COL1A1: variants seen among roughly 807,000 people sequenced by gnomAD.
COL1A1 encodes the protein collagen alpha-1(I) chain.
COL1A1 carries 21 observed loss-of-function variants against 195.7 expected under a neutral mutation model. The ratio of observed to expected loss-of-function variants is 0.11; its 90% CI spans 0.08 to 0.15. The LOEUF (loss-of-function observed/expected upper bound fraction) is 0.15, where lower values mean the gene tolerates loss of function less well. Among genes scored for constraint, COL1A1 ranks in the 10% least tolerant of loss-of-function variants. The pLI, the probability that COL1A1 is intolerant of heterozygous loss-of-function variation, is 1.00. For missense variants in COL1A1, 1,365 were observed against 2,051.0 expected (o/e 0.67, Z 6.46); for synonymous variants, 749 against 747.3 (o/e 1.00, Z -0.04).
At position 50,191,825 on chromosome 17, in the gene COL1A1, C is replaced by T. The variant is rs202221716; in HGVS notation, c.2090G>A (p.Arg697Gln). The T allele has an allele frequency of 1.5e-5, 24 of 1,600,192 alleles. No individual in the cohort carries two copies. In the East Asian group the frequency reaches 3.1e-4, roughly 21 times the overall value. ...GTTGCCGGGAGCACCGTTGGCCCCTCGGGGACCAGCAGGACCAGGGGGACC... is the reference window on the plus strand; with the variant it reads ...GTTGCCGGGAGCACCGTTGGCCCCTTGGGGACCAGCAGGACCAGGGGGACC... Reference protein sequence around the residue: ...VQGPPGPAGPRGANGAPGNDG... With the variant: ...VQGPPGPAGPQGANGAPGNDG... The change falls in exon 31 of 51, where the codon CGA (arginine) becomes CAA (glutamine). Residue 697 changes from arginine (R) to glutamine (Q), a missense_variant. Arg to Gln is a conservative substitution (Grantham distance 43, BLOSUM62 1). Transcript: ENST00000225964.
In COL1A1 at chr17:50,192,662, G is replaced by A. The variant is rs1907197374; in HGVS notation, c.1907C>T (p.Pro636Leu). ...CACCTGGAATCCGGGGGAGCCAGCAGGGCCTTGTTCACCTCTCTCGCCAGC... is the reference window on the plus strand; with the variant it reads ...CACCTGGAATCCGGGGGAGCCAGCAAGGCCTTGTTCACCTCTCTCGCCAGC... The part of the protein sequence containing the change: ...GPAGERGEQG[P>L]AGSPGFQGLP... The change falls in exon 28 of 51, where the codon CCT (proline) becomes CTT (leucine). Residue 636 changes from proline (P) to leucine (L), a missense_variant. By Grantham distance (98) the Pro-to-Leu change is moderately conservative. Coordinates refer to ENST00000225964, the MANE Select transcript of COL1A1 (RefSeq NM_000088.4). The A allele has an allele frequency of 6.2e-7, 1 of 1,614,130 alleles. No individual in the cohort carries two copies. The highest frequency in any genetic ancestry group is 8.5e-7 in the Non-Finnish European group (1 of 1,180,056).
intron 2 of COL1A1, 57 bp downstream of exon 2, chr17:50,199,696 C>A: frequency 6.4e-7 from 1 of 1,562,992 alleles, no homozygotes; most frequent in Non-Finnish European, 8.6e-7. Flanking sequence ...ACCCCCAGCC[C>A]CAGCCCCAGG....
chr17:50,186,118 G>A lies in COL1A1; in HGVS notation c.4006-98C>T. 2.5e-6 allele frequency: 4 copies of A among 1,570,558 alleles called. No individual in the cohort carries two copies. The highest frequency in any genetic ancestry group is 2.3e-5 in the South Asian group (2 of 88,870). ...CAGGGTCCTCAGAGAGCTGCCCAAT[G>A]CACCGTTATATCGAGAGGAGGCACC... is the stretch of plus-strand genomic sequence containing the variant. On this transcript the variant is annotated intron_variant, in intron 49 of 50. Transcript: ENST00000225964. This position sits in a 1 kb window ranked among gnomAD's most constrained non-coding sequence, Gnocchi z 5.3.
In COL1A1 at chr17:50,200,276, G is replaced by A. The variant is rs1005117902; in HGVS notation, c.104-329C>T. The stretch of plus-strand genomic sequence containing the variant: ...CAGGGTGAGAGGGGGAGGGCGGGGG[G>A]AGAATAGGAGGGGCCCCATCGGGAG... On this transcript the variant is annotated intron_variant, in intron 1 of 50. Transcript: ENST00000225964. 132 of 408,854 alleles carry A rather than the reference G, an allele frequency of 3.2e-4. 2 individuals carry two copies. Among genetic ancestry groups the A allele is most frequent in the South Asian group, 2.6e-3 (122 of 47,270 alleles). 25.3% of individuals were successfully genotyped at this position (408,854 alleles called of 1,614,324 possible).
Position 50,185,959 on chromosome 17 carries a change from C to T in COL1A1, c.4067G>A (p.Arg1356His), listed in dbSNP as rs149820303. The T allele has an allele frequency of 2.2e-5, 35 of 1,613,766 alleles. No homozygotes were observed. Among genetic ancestry groups the T allele is most frequent in the Non-Finnish European group, 1.5e-5 (18 of 1,180,016 alleles). ...ADVAIQLTFLRLMSTEASQNI... is the reference protein window; with the variant it reads ...ADVAIQLTFLHLMSTEASQNI... Reference sequence around the variant, plus strand: ...CTGGGAGGCCTCGGTGGACATCAGGCGCAGGAAGGTCAGCTGGATGGCCAC... The same window carrying T: ...CTGGGAGGCCTCGGTGGACATCAGGTGCAGGAAGGTCAGCTGGATGGCCAC... The change falls in exon 50 of 51, where the codon CGC (arginine) becomes CAC (histidine). Residue 1356 changes from arginine to histidine, a missense_variant. Coordinates refer to ENST00000225964, the MANE Select transcript of COL1A1 (RefSeq NM_000088.4).
Position 50,194,212 on chromosome 17 carries a change from C to G in COL1A1, c.1615-29G>C, listed in dbSNP as rs1907357624. ...GGGAGGCAGAGAGGTATGAGTGGGA[C>G]TTGGGGAGAAGCATGATGGAGGTGG... On this transcript the variant is annotated intron_variant, in intron 23 of 50. Coordinates refer to ENST00000225964, the MANE Select transcript of COL1A1 (RefSeq NM_000088.4). This position sits in a 1 kb window ranked among gnomAD's most constrained non-coding sequence, Gnocchi z 6.8. 1 of 1,611,810 alleles carries G rather than the reference C, an allele frequency of 6.2e-7. No individual in the cohort carries two copies. Among genetic ancestry groups the G allele is most frequent in the Non-Finnish European group, 8.5e-7 (1 of 1,178,960 alleles).
In COL1A1 at chr17:50,187,118, G is replaced by T; in HGVS notation, c.3428C>A (p.Pro1143His). 6.2e-7 allele frequency: 1 copy of T among 1,606,156 alleles called. No homozygotes were observed. The highest frequency in any genetic ancestry group is 1.7e-5 in the Admixed American group (1 of 58,144). ...GCCAGGAGCACCAGCAGAGCCAGGG[G>T]GACCCTGGAGTGGGGGAAATGGTTT... The part of the protein sequence containing the change: ...GASGPAGPRG[P>H]PGSAGAPGKD... Residue 1143 changes from proline (P) to histidine (H), a missense_variant, in exon 47 of 51, where the codon CCC becomes CAC. Physicochemically the swap from Pro to His is moderately conservative, Grantham distance 77. Around this residue, in one of 5 missense-constraint regions of COL1A1, gnomAD observed 671 missense variants for 1,099.9 expected, o/e 0.61. Coordinates refer to ENST00000225964, the MANE Select transcript of COL1A1 (RefSeq NM_000088.4).
rs56302025 is a variant in COL1A1 at position 50,185,257 on chromosome 17, C to CTTTTTTTTTTTTTT, written c.*231_*244dup. On this transcript the variant is annotated 3_prime_UTR_variant, in exon 51 of 51. Transcript: ENST00000225964. ...TTTTTTAAAAAGTTATTTATTTATT[C>CTTTTTTTTTTTTTT]TTTTTTTTTTTTTTTTTTTGGTAAG... 1 of 185,552 alleles carries CTTTTTTTTTTTTTT rather than the reference C, an allele frequency of 5.4e-6. No homozygotes were observed. The highest frequency in any genetic ancestry group is 3.3e-5 in the African/African-American group (1 of 29,864). The allele number at this position is 185,552 out of a possible 1,614,324, so 11.5% of individuals were successfully genotyped here.
At chr17:50,193,728 G>A (rs1161827260) in intron 25 of COL1A1, 24 of 577,152 alleles carry the variant, frequency 4.2e-5, no homozygotes, top group Admixed American at 1.2e-4. Context: ...TGGTCTGCCC[G>A]CCTTGGCCTC....
chr17:50,196,884 G>A, intron 11 of COL1A1, 126 bp downstream of exon 11: 2 of 1,207,080 alleles, frequency 1.7e-6, no homozygotes, highest in East Asian at 2.3e-5. Context: ...TCCACTCTCT[G>A]TCCCTTGGGA....
Position 50,194,307 on chromosome 17 carries a change from G to C in COL1A1, c.1614+42C>G. 6.2e-7 allele frequency: 1 copy of C among 1,609,954 alleles called. No homozygotes were observed. ...CTCATCCCAGACCCTACACGGGATGGTCAGGGCCTGGCCAAGCCAGGCTGA... is the reference window on the plus strand; with the variant it reads ...CTCATCCCAGACCCTACACGGGATGCTCAGGGCCTGGCCAAGCCAGGCTGA... On this transcript the variant is annotated intron_variant, in intron 23 of 50. Coordinates refer to ENST00000225964, the MANE Select transcript of COL1A1 (RefSeq NM_000088.4). This position sits in a 1 kb window ranked among gnomAD's most constrained non-coding sequence, Gnocchi z 6.8.
At position 50,194,456 on chromosome 17, in the gene COL1A1, G is replaced by A. The variant is rs369076517; in HGVS notation, c.1516-9C>T. 1 of 1,614,044 alleles carries A rather than the reference G, an allele frequency of 6.2e-7. No homozygotes were observed. Among genetic ancestry groups the A allele is most frequent in the Non-Finnish European group, 8.5e-7 (1 of 1,179,928 alleles). ...CGTTCACCAGCGGGACCCTGGTTGG[G>A]GGAAGTCACAGGAACAGTTAGGGTC... On this transcript the variant is annotated splice_polypyrimidine_tract_variant and intron_variant, in intron 22 of 50. Transcript: ENST00000225964. This position sits in a 1 kb window ranked among gnomAD's most constrained non-coding sequence, Gnocchi z 6.8.
chr17:50,195,682 G>T lies in COL1A1; in HGVS notation c.1057-17C>A. On this transcript the variant is annotated splice_polypyrimidine_tract_variant and intron_variant, in intron 16 of 50. Coordinates refer to ENST00000225964, the MANE Select transcript of COL1A1 (RefSeq NM_000088.4). This position sits in a 1 kb window ranked among gnomAD's most constrained non-coding sequence, Gnocchi z 4.3. Reference sequence around the variant, plus strand: ...AGCTTCACCCTGAATCAGAAGAAAGGACATATCAGAAGCCACCCTGGGAAA... The same window carrying T: ...AGCTTCACCCTGAATCAGAAGAAAGTACATATCAGAAGCCACCCTGGGAAA... 1 of 1,612,338 alleles carries T rather than the reference G, an allele frequency of 6.2e-7. No homozygotes were observed. Among genetic ancestry groups the T allele is most frequent in the Non-Finnish European group, 8.5e-7 (1 of 1,179,006 alleles).
intron 46 of COL1A1, 122 bp from the exon 47 acceptor site, chr17:50,187,244 C>A: frequency 4.3e-6 from 4 of 928,282 alleles, no homozygotes; most frequent in Non-Finnish European, 6.8e-6. Flanking sequence ...CCAGCCTCAG[C>A]CTCTTTCCAT....
In COL1A1 at chr17:50,201,572, T is replaced by C. The variant is rs1186148730; in HGVS notation, c.-59A>G. On this transcript the variant is annotated 5_prime_UTR_variant, in exon 1 of 51. It removes an upstream start codon present in the reference 5' UTR. Coordinates refer to ENST00000225964, the MANE Select transcript of COL1A1 (RefSeq NM_000088.4). ...TGGGGAGGGGGTTAGCGTCCGCTCA[T>C]GCGTGGCCTCACACTCCGCGTGCCT... 76 of 1,488,090 alleles carry C rather than the reference T, an allele frequency of 5.1e-5. No individual in the cohort carries two copies. The highest frequency in any genetic ancestry group is 6.9e-5 in the Non-Finnish European group (76 of 1,097,658). The allele number at this position is 1,488,090 out of a possible 1,614,324, so 92.2% of individuals were successfully genotyped here.
chr17:50,190,416 G>T lies in COL1A1; in HGVS notation c.2398-36C>A. On this transcript the variant is annotated intron_variant, in intron 34 of 50. Transcript: ENST00000225964. The surrounding 1 kb of genome is among the most constrained non-coding windows in gnomAD (Gnocchi z 4.7). ...AGGAGTCAGATTGGAGAGATGCGCT[G>T]ACAGGAGGGAAGGCGGGGATGCGGT... The T allele has an allele frequency of 6.3e-7, 1 of 1,596,390 alleles. No individual in the cohort carries two copies. The highest frequency in any genetic ancestry group is 8.6e-7 in the Non-Finnish European group (1 of 1,164,058).
Position 50,186,290 on chromosome 17 carries a change from A to G in COL1A1, c.4005+27T>C. On this transcript the variant is annotated intron_variant, in intron 49 of 50. Transcript: ENST00000225964. The surrounding 1 kb of genome is among the most constrained non-coding windows in gnomAD (Gnocchi z 5.3). The stretch of plus-strand genomic sequence containing the variant: ...GCACTGGGCTAGCCCATCTCCTAAC[A>G]CTGGCTCTGAGGTCCAGCTCACGCA... The G allele has an allele frequency of 1.9e-6, 3 of 1,613,444 alleles. No individual in the cohort carries two copies. The highest frequency in any genetic ancestry group is 2.5e-6 in the Non-Finnish European group (3 of 1,179,922).
rs1598290586 is a variant in COL1A1, at chr17:50,190,265, C to G, written c.2451+62G>C. 1 of 1,347,228 alleles carries G rather than the reference C, an allele frequency of 7.4e-7. No homozygotes were observed. Among genetic ancestry groups the G allele is most frequent in the East Asian group, 2.3e-5 (1 of 43,612 alleles). 83.5% of individuals were successfully genotyped at this position (1,347,228 alleles called of 1,614,324 possible). ...GATGGCTGACGCCTTTGTCCTCATT[C>G]CGTCCCTCGAGGTCCCAGGTCCCAG... On this transcript the variant is annotated intron_variant, in intron 35 of 50. Transcript: ENST00000225964. The surrounding 1 kb of genome is among the most constrained non-coding windows in gnomAD (Gnocchi z 4.7).
chr17:50,198,773 T>A (rs1165800765), intron 5 of COL1A1: 2 of 518,890 alleles, frequency 3.9e-6, no homozygotes, highest in African/African-American at 3.8e-5. Flanking sequence ...GTTCTACATT[T>A]GTGGAAACTA....
Sources: allele counts gnomAD v4.1 joint callset, GRCh38; gene constraint gnomAD v4.1.1; regional missense constraint gnomAD v4.1.1; non-coding constraint Gnocchi (gnomAD v3.1); transcripts MANE v1.5; gene names NCBI Gene and HGNC (gene_info 2026-07-23, HGNC 2026-07-21).